Variants in QKI observed in about 807,000 individuals in gnomAD.
QKI encodes QKI, KH domain containing RNA binding, also known as KH domain-containing RNA-binding protein QKI.
A neutral mutation model predicts 39.0 loss-of-function variants in QKI; 10 were observed. That is an observed-to-expected ratio of 0.26 (90% CI 0.16 to 0.43). QKI has a LOEUF of 0.43. QKI is among the 20% of genes least tolerant of loss of function. The pLI is 1.00. For missense variants in QKI, 218 were observed against 428.0 expected, an observed-to-expected ratio of 0.51 and a Z score of 4.33; for synonymous variants, 204 against 155.4, an observed-to-expected ratio of 1.31 and a Z score of -2.33.
At chr6:163,526,869 A>G (rs2128239171) in intron 3 of QKI, among the ~76,000 whole-genome samples, 1 of 152,324 alleles carries the variant, frequency 6.6e-6, no homozygotes, top group African/African-American at 2.4e-5. Flanking sequence ...TAGTTTAGAC[A>G]TAAAGTAATT....
At chr6:163,555,155 A>C (rs934985870) in intron 4 of QKI, among the ~76,000 whole-genome samples, 1 of 152,092 alleles carries the variant, frequency 6.6e-6, no homozygotes, top group Non-Finnish European at 1.5e-5. Flanking sequence ...CATTATTTCA[A>C]ATTTATAGAA....
At chr6:163,488,569 A>G (rs1777831343) in intron 3 of QKI, among the ~76,000 whole-genome samples, 1 of 152,156 alleles carries the variant, frequency 6.6e-6, no homozygotes, top group Non-Finnish European at 1.5e-5. Context: ...TTTATTTCAA[A>G]AAAGGAATAC....
chr6:163,444,870 GAATA>G (rs1317686002), intron 1 of QKI, among the ~76,000 whole-genome samples: 2 of 151,404 alleles, frequency 1.3e-5, no homozygotes, highest in Non-Finnish European at 2.9e-5. Context: ...TCCCTCATTA[GAATA>G]AATAACCCCA....
chr6:163,568,315 A>G, intron 7 of QKI: 1 of 985,316 alleles, frequency 1.0e-6, no homozygotes, highest in Non-Finnish European at 1.2e-6. Context: ...TTTTGCTTTA[A>G]CACAATAATT....
At chr6:163,428,011 A>T (rs773047059) in intron 1 of QKI, among the ~76,000 whole-genome samples, 2 of 152,230 alleles carry the variant, frequency 1.3e-5, no homozygotes, top group African/African-American at 2.4e-5. Context: ...GTTCCAGCAG[A>T]TGGGGATGTT....
At chr6:163,539,546 A>AT (rs1342910448) in intron 4 of QKI, among the ~76,000 whole-genome samples, 5 of 152,002 alleles carry the variant, frequency 3.3e-5, no homozygotes, top group Admixed American at 2.6e-4. Context: ...AGACCTTTCC[A>AT]TTACCCCTAA....
chr6:163,564,944 A>G, intron 6 of QKI: 1 of 1,336,746 alleles, frequency 7.5e-7, no homozygotes, highest in African/African-American at 1.5e-5. Flanking sequence ...AAAATCTTTA[A>G]TGAACTGGAG....
At chr6:163,465,501 G>T (rs765693252) in intron 2 of QKI, among the ~76,000 whole-genome samples, 1 of 151,594 alleles carries the variant, frequency 6.6e-6, no homozygotes, top group East Asian at 2.0e-4. Context: ...GGTGATGCAT[G>T]CCTGTAATCC....
At chr6:163,520,504 T>C (rs1780082490) in intron 3 of QKI, among the ~76,000 whole-genome samples, 1 of 152,112 alleles carries the variant, frequency 6.6e-6, no homozygotes, top group African/African-American at 2.4e-5. Context: ...TACAGCTATT[T>C]TTTACCTGTT....
intron 1 of QKI, among the ~76,000 whole-genome samples, chr6:163,417,730 CTT>C (rs992388795): frequency 3.3e-5 from 5 of 152,150 alleles, no homozygotes; most frequent in Non-Finnish European, 7.4e-5. Flanking sequence ...TACTCCATCT[CTT>C]GTCTTGCTAT....
intron 4 of QKI, among the ~76,000 whole-genome samples, chr6:163,561,280 C>T (rs141289082): frequency 1.3e-5 from 2 of 152,134 alleles, no homozygotes; most frequent in African/African-American, 2.4e-5. Context: ...GTGTGTTTAA[C>T]GAACACATTT....
intron 4 of QKI, among the ~76,000 whole-genome samples, chr6:163,538,771 C>T (rs1305671388): frequency 6.6e-6 from 1 of 152,062 alleles, no homozygotes; most frequent in Non-Finnish European, 1.5e-5. Flanking sequence ...GTTGAAGGTG[C>T]TGAGAAGTAG....
intron 1 of QKI, among the ~76,000 whole-genome samples, chr6:163,443,605 T>C (rs1789921049): frequency 6.6e-6 from 1 of 152,220 alleles, no homozygotes; most frequent in Admixed American, 6.5e-5. Flanking sequence ...GGCTTTTTCA[T>C]AATATGAGAG....
chr6:163,509,135 C>CTCAG (rs1011549309), intron 3 of QKI, among the ~76,000 whole-genome samples: 5 of 151,718 alleles, frequency 3.3e-5, no homozygotes, highest in Non-Finnish European at 5.9e-5. Context: ...GAGACTCCGT[C>CTCAG]TCAGTCAGTC....
chr6:163,444,123 G>A (rs1789963378), intron 1 of QKI, among the ~76,000 whole-genome samples: 1 of 152,178 alleles, frequency 6.6e-6, no homozygotes, highest in Non-Finnish European at 1.5e-5. Flanking sequence ...TATAGTTCTG[G>A]CAGGAGTAGG....
intron 4 of QKI, among the ~76,000 whole-genome samples, chr6:163,560,384 C>G (rs1232544557): frequency 6.6e-6 from 1 of 152,182 alleles, no homozygotes; most frequent in Non-Finnish European, 1.5e-5. Flanking sequence ...TCTGTCGTTT[C>G]ACTTAAAGTT....
At chr6:163,445,845 ACCT>A (rs1348121641) in intron 1 of QKI, among the ~76,000 whole-genome samples, 4 of 151,826 alleles carry the variant, frequency 2.6e-5, no homozygotes, top group African/African-American at 9.7e-5. Context: ...CGATCTCCTG[ACCT>A]CCTCATCCGT....
At chr6:163,434,683 C>G (rs1392474452) in intron 1 of QKI, among the ~76,000 whole-genome samples, 4 of 151,444 alleles carry the variant, frequency 2.6e-5, no homozygotes, top group African/African-American at 9.7e-5. Context: ...CCACTGCACT[C>G]CAGCCTGGGC....
chr6:163,507,286 T>C (rs1016911982), intron 3 of QKI, among the ~76,000 whole-genome samples: 1 of 152,170 alleles, frequency 6.6e-6, no homozygotes, highest in African/African-American at 2.4e-5. Flanking sequence ...AAATAAGAAC[T>C]TGAGGGTTTC....
Sources: gnomAD v4.1 joint callset for allele counts (sites outside exome capture counted in the v4.1 genomes callset) on GRCh38, gnomAD v4.1.1 for gene constraint, MANE v1.5 for transcripts, NCBI Gene and HGNC (gene_info 2026-07-23, HGNC 2026-07-21) for gene names.